SOX5: variants seen among roughly 807,000 people sequenced by gnomAD.
SOX5 encodes the protein transcription factor SOX-5.
SOX5 carries 9 observed loss-of-function variants against 92.0 expected under a neutral mutation model. The observed-to-expected ratio is 0.10, with a 90% CI of 0.06 to 0.17. The LOEUF (loss-of-function observed/expected upper bound fraction) is 0.17, where lower values mean the gene tolerates loss of function less well. SOX5 is among the 10% of genes least tolerant of loss of function. The pLI is 1.00. For synonymous variants in SOX5, 344 were observed against 336.3 expected (o/e 1.02, Z -0.25); for missense variants, 642 against 944.5 (o/e 0.68, Z 4.20).
At chr12:23,547,918 T>C (rs1179105898) in intron 11 of SOX5, among the ~76,000 whole-genome samples, 1 of 152,100 alleles carries the variant, frequency 6.6e-6, no homozygotes, top group Non-Finnish European at 1.5e-5. Context: ...GTCGGCTGTA[T>C]ATATTCAGCT....
chr12:24,442,139 A>G (rs1210709299), intron 1 of SOX5, among the ~76,000 whole-genome samples: 1 of 152,238 alleles, frequency 6.6e-6, no homozygotes, highest in African/African-American at 2.4e-5. Context: ...GGTATCTATG[A>G]GAAACAATGT....
At chr12:24,139,502 G>C (rs933396347) in intron 4 of SOX5, among the ~76,000 whole-genome samples, 2 of 152,196 alleles carry the variant, frequency 1.3e-5, no homozygotes, top group African/African-American at 4.8e-5. Context: ...TTTTAATATT[G>C]TGGTCAATTG....
At chr12:24,305,876 C>G (rs745846313) in intron 2 of SOX5, among the ~76,000 whole-genome samples, 1 of 152,162 alleles carries the variant, frequency 6.6e-6, no homozygotes, top group Non-Finnish European at 1.5e-5. Flanking sequence ...AAATTACAGG[C>G]GTGAGCCACC....
At chr12:24,494,739 C>T (rs533644519) in intron 1 of SOX5, among the ~76,000 whole-genome samples, 36 of 151,932 alleles carry the variant, frequency 2.4e-4, no homozygotes, top group African/African-American at 7.7e-4. Context: ...CCCCTTAAAA[C>T]GAACTACTAA....
At position 23,879,590 on chromosome 12, in the gene SOX5, C is replaced by A. The variant is rs569390305; in HGVS notation, c.270+16203G>T. 2.6e-5 allele frequency among the ~76,000 whole-genome samples: 4 copies of A among 152,240 alleles called. No individual in the cohort carries two copies. The South Asian group carries it at 8.3e-4, about 32-fold the overall frequency. ...CCAGGGCATCATAGGACAGATGTAA[C>A]TACTGAGGCCAATCTTAAATTAATG... is the stretch of plus-strand genomic sequence containing the variant. On this transcript the variant is annotated intron_variant, in intron 2 of 14. Coordinates refer to ENST00000451604, the MANE Select transcript of SOX5 (RefSeq NM_006940.6).
chr12:23,898,421 T>A (rs2097198694), intron 1 of SOX5, among the ~76,000 whole-genome samples: 1 of 152,186 alleles, frequency 6.6e-6, no homozygotes, highest in Non-Finnish European at 1.5e-5. Context: ...TTCTGAGTCA[T>A]GAAAGCAGAA....
intron 3 of SOX5, among the ~76,000 whole-genome samples, chr12:23,803,291 T>C (rs1330101124): frequency 6.6e-6 from 1 of 152,224 alleles, no homozygotes; most frequent in Non-Finnish European, 1.5e-5. Context: ...GGACTCATTA[T>C]CTGTCCCAAC....
At chr12:24,236,061 G>A (rs562071561) in intron 3 of SOX5, among the ~76,000 whole-genome samples, 21 of 152,010 alleles carry the variant, frequency 1.4e-4, no homozygotes, top group Admixed American at 8.5e-4. Context: ...GCGTGGTGGC[G>A]GGCACCTGTA....
intron 4 of SOX5, among the ~76,000 whole-genome samples, chr12:23,962,630 A>G (rs1947082796): frequency 6.6e-6 from 1 of 152,208 alleles, no homozygotes; most frequent in South Asian, 2.1e-4. Context: ...AATCCTGTCA[A>G]ATACAACTGC....
intron 4 of SOX5, among the ~76,000 whole-genome samples, chr12:24,130,452 T>C (rs1372053135): frequency 6.8e-6 from 1 of 146,678 alleles, no homozygotes; most frequent in Admixed American, 6.7e-5. Context: ...CTCACATAAA[T>C]CTAATCCTGC....
chr12:23,631,949 T>G (rs2078593475), intron 8 of SOX5, among the ~76,000 whole-genome samples: 1 of 152,134 alleles, frequency 6.6e-6, no homozygotes, highest in Non-Finnish European at 1.5e-5. Flanking sequence ...TAATAGGTTC[T>G]TCCTTAAAGG....
chr12:23,877,141 TA>T (rs912243844), intron 2 of SOX5, among the ~76,000 whole-genome samples: 4 of 151,638 alleles, frequency 2.6e-5, no homozygotes, highest in Non-Finnish European at 5.9e-5. Context: ...TAAAGTATAA[TA>T]AAAAAAATAA....
chr12:24,205,620 G>A (rs1001026185), intron 4 of SOX5, among the ~76,000 whole-genome samples: 1 of 152,158 alleles, frequency 6.6e-6, no homozygotes, highest in Non-Finnish European at 1.5e-5. Flanking sequence ...ACTTAGATAA[G>A]CAAGTTCTCA....
At chr12:23,888,783 A>G (rs1310250230) in intron 2 of SOX5, among the ~76,000 whole-genome samples, 1 of 152,252 alleles carries the variant, frequency 6.6e-6, no homozygotes, top group Non-Finnish European at 1.5e-5. Flanking sequence ...ATTTTGTGAC[A>G]ACATTTACAG....
intron 1 of SOX5, among the ~76,000 whole-genome samples, chr12:24,555,621 A>G (rs1212084520): frequency 6.6e-6 from 1 of 152,180 alleles, no homozygotes; most frequent in Non-Finnish European, 1.5e-5. Flanking sequence ...GTATAACCTA[A>G]TTTAATCCCA....
intron 4 of SOX5, among the ~76,000 whole-genome samples, chr12:24,171,598 G>C (rs1954177047): frequency 6.6e-6 from 1 of 152,266 alleles, no homozygotes; most frequent in Non-Finnish European, 1.5e-5. Flanking sequence ...AAACGAGACA[G>C]AAACGGCTTT....
chr12:24,031,206 T>TAC (rs952418348), intron 4 of SOX5, among the ~76,000 whole-genome samples: 1 of 148,286 alleles, frequency 6.7e-6, no homozygotes, highest in Non-Finnish European at 1.5e-5. Flanking sequence ...TAGTTATATA[T>TAC]ATATATATAC....
chr12:24,092,004 G>A (rs1400454063), intron 4 of SOX5, among the ~76,000 whole-genome samples: 1 of 152,152 alleles, frequency 6.6e-6, no homozygotes, highest in Non-Finnish European at 1.5e-5. Flanking sequence ...GGTGTTTACT[G>A]CTTGACAAGG....
chr12:23,705,844 C>G (rs1431954575), intron 6 of SOX5, among the ~76,000 whole-genome samples: 1 of 152,020 alleles, frequency 6.6e-6, no homozygotes, highest in African/African-American at 2.4e-5. Flanking sequence ...GTGAAGCGGT[C>G]CCCTTTTGAT....
Sources: gnomAD v4.1 joint callset for allele counts (sites outside exome capture counted in the v4.1 genomes callset) on GRCh38, gnomAD v4.1.1 for gene constraint, MANE v1.5 for transcripts, NCBI Gene and HGNC (gene_info 2026-07-23, HGNC 2026-07-21) for gene names.